EDNRA: variants seen among roughly 807,000 people sequenced by gnomAD.
EDNRA encodes the protein endothelin receptor type A, also known as endothelin-1 receptor.
In EDNRA, 11 loss-of-function variants were observed where a neutral mutation model predicts 41.4. The observed-to-expected ratio is 0.27, with a 90% confidence interval of 0.17 to 0.44. EDNRA has a LOEUF of 0.44. Among genes scored for constraint, EDNRA ranks in the 20% least tolerant of loss-of-function variants. The probability of loss-of-function intolerance (pLI) is 1.00; values close to 1 mark genes in which losing one functional copy is unlikely to be tolerated. For missense variants in EDNRA, 294 were observed against 531.0 expected (o/e 0.55, Z 4.39); for synonymous variants, 172 against 183.0 (o/e 0.94, Z 0.49).
intron 2 of EDNRA, among the ~76,000 whole-genome samples, chr4:147,512,189 G>A (rs1729953484): frequency 6.6e-6 from 1 of 152,106 alleles, no homozygotes; most frequent in Admixed American, 6.5e-5. Context: ...CTTTTGGATT[G>A]GTACTCTTAC....
At chr4:147,484,735 G>A (rs10305860) in intron 1 of EDNRA, among the ~76,000 whole-genome samples, 57,538 of 152,040 alleles carry the variant, frequency 0.38, 12,149 homozygotes, top group African/African-American at 0.58. Context: ...TTCATTCATC[G>A]GCAAATACCG....
At chr4:147,515,595 G>A (rs865854514) in intron 2 of EDNRA, among the ~76,000 whole-genome samples, 1 of 152,108 alleles carries the variant, frequency 6.6e-6, no homozygotes, top group Non-Finnish European at 1.5e-5. Context: ...GTGAGAATCA[G>A]TCCCCCTGTG....
At chr4:147,532,445 T>C in intron 3 of EDNRA, 61 bp from the exon 4 acceptor site, 2 of 1,483,252 alleles carry the variant, frequency 1.3e-6, no homozygotes, top group Non-Finnish European at 1.9e-6. Context: ...TTACAATTTT[T>C]GTTTAATTGA....
chr4:147,539,717 A>G, intron 5 of EDNRA, 100 bp from the exon 6 acceptor site: 1 of 1,357,338 alleles, frequency 7.4e-7, no homozygotes, highest in Non-Finnish European at 1.0e-6. Context: ...TCTTTGAATT[A>G]TTCTTTCTCT....
At chr4:147,542,142 C>A (rs1731124687) in intron 7 of EDNRA, among the ~76,000 whole-genome samples, 2 of 152,182 alleles carry the variant, frequency 1.3e-5, no homozygotes, top group Non-Finnish European at 2.9e-5. Context: ...GTGGTGCACA[C>A]TGAAGAAACG....
At chr4:147,537,668 T>G (rs1356685120) in intron 5 of EDNRA, among the ~76,000 whole-genome samples, 1 of 152,192 alleles carries the variant, frequency 6.6e-6, no homozygotes, top group Non-Finnish European at 1.5e-5. Context: ...GTTTTTAAAG[T>G]GCATTTCCAT....
rs80127554 is a variant in EDNRA at position 147,509,030 on chromosome 4, T to C, written c.421-10821T>C. Among the ~76,000 whole-genome samples the C allele has an allele frequency of 8.7e-3, 1,329 of 152,334 alleles. 11 individuals carry two copies. Among genetic ancestry groups the C allele is most frequent in the Non-Finnish European group, 0.015 (1,054 of 68,042 alleles). On this transcript the variant is annotated intron_variant, in intron 2 of 7. Coordinates refer to ENST00000651419, the MANE Select transcript of EDNRA (RefSeq NM_001957.4). ...ACCCTTTAGGTGAATTTGGGGAGAA[T>C]TGCCATCTTAATAATATCAATTCTT...
chr4:147,544,550 G>T lies in EDNRA; in HGVS notation c.*1932G>T, dbSNP rs1426630146. On this transcript the variant is annotated 3_prime_UTR_variant, in exon 8 of 8. Coordinates refer to ENST00000651419, the MANE Select transcript of EDNRA (RefSeq NM_001957.4). ...TTTAGGACAGGTAAAATAACATCAGGTTCCAGTTGCTTGAATTGCAAGGCT... is the reference window on the plus strand; with the variant it reads ...TTTAGGACAGGTAAAATAACATCAGTTTCCAGTTGCTTGAATTGCAAGGCT... 41 of 152,560 alleles carry T rather than the reference G, an allele frequency of 2.7e-4. No homozygotes were observed. The allele number at this position is 152,560 out of a possible 1,614,324, so 9.5% of individuals were successfully genotyped here. A position where few individuals can be genotyped will look rare whatever the true frequency, so the allele number is the denominator to read the frequency against.
At position 147,496,901 on chromosome 4, in the gene EDNRA, A is replaced by G. The variant is rs558979172; in HGVS notation, c.420+10800A>G. On this transcript the variant is annotated intron_variant, in intron 2 of 7. Transcript: ENST00000651419. ...ATAGTGCAGCTGTGGACATTCTCCTATGCATCTTTTTGGTGCATATATATG... is the reference window on the plus strand; with the variant it reads ...ATAGTGCAGCTGTGGACATTCTCCTGTGCATCTTTTTGGTGCATATATATG... 7.9e-5 allele frequency among the ~76,000 whole-genome samples: 12 copies of G among 152,294 alleles called. No individual in the cohort carries two copies. In the South Asian group the frequency reaches 2.3e-3, roughly 29 times the overall value.
intron 5 of EDNRA, 97 bp from the exon 6 acceptor site, chr4:147,539,720 C>T: frequency 7.3e-7 from 1 of 1,372,676 alleles, no homozygotes; most frequent in Non-Finnish European, 9.9e-7. Context: ...TTGAATTATT[C>T]TTTCTCTGGT....
In EDNRA at chr4:147,530,309, A is replaced by G. The variant is rs59981942; in HGVS notation, c.549-2197A>G. Among the ~76,000 whole-genome samples, 1,005 of 152,348 alleles carry G rather than the reference A, an allele frequency of 6.6e-3. 14 individuals carry two copies. The highest frequency in any genetic ancestry group is 0.023 in the African/African-American group (958 of 41,580). ...GTAACTCCGTTGACAGCCTTGGGATATAGACATCCTGTCTCCATTCCTCTT... is the reference window on the plus strand; with the variant it reads ...GTAACTCCGTTGACAGCCTTGGGATGTAGACATCCTGTCTCCATTCCTCTT... On this transcript the variant is annotated intron_variant, in intron 3 of 7. Coordinates refer to ENST00000651419, the MANE Select transcript of EDNRA (RefSeq NM_001957.4).
At chr4:147,522,941 G>T (rs1423243470) in intron 3 of EDNRA, among the ~76,000 whole-genome samples, 1 of 152,204 alleles carries the variant, frequency 6.6e-6, no homozygotes, top group African/African-American at 2.4e-5. Flanking sequence ...ACAGTGGTTT[G>T]GCCTGGAAAC....
rs1731057862 is a variant in EDNRA at position 147,540,390 on chromosome 4, A to G, written c.1048A>G (p.Met350Val). 1 of 1,612,194 alleles carries G rather than the reference A, an allele frequency of 6.2e-7. No homozygotes were observed. Among genetic ancestry groups the G allele is most frequent in the Admixed American group, 1.7e-5 (1 of 59,842 alleles). Reference protein sequence around the residue: ...RCELLSFLLLMDYIGINLATM... With the variant: ...RCELLSFLLLVDYIGINLATM... ...CTTTTGCTCTAGTTTCTTACTGCTC[A>G]TGGATTACATCGGTATTAACTTGGC... The change falls in exon 7 of 8, where the codon ATG becomes GTG. Residue 350 changes from methionine to valine, a missense_variant. Coordinates refer to ENST00000651419, the MANE Select transcript of EDNRA (RefSeq NM_001957.4).
rs753259559 is a variant in EDNRA, at chr4:147,544,927, T to C, written c.*2309T>C. The C allele has an allele frequency of 6.6e-6, 1 of 152,648 alleles. No individual in the cohort carries two copies. The highest frequency in any genetic ancestry group is 6.5e-5 in the Admixed American group (1 of 15,280). 9.5% of individuals were successfully genotyped at this position (152,648 alleles called of 1,614,324 possible). ...CCCTGAGTTGGCAGTGGCCCATAAG[T>C]GTAAAATAAAAGTTTACAGAAACCT... On this transcript the variant is annotated 3_prime_UTR_variant, in exon 8 of 8. Transcript: ENST00000651419.
chr4:147,524,207 G>T (rs1191925953), intron 3 of EDNRA, among the ~76,000 whole-genome samples: 3 of 151,058 alleles, frequency 2.0e-5, no homozygotes, highest in Non-Finnish European at 4.4e-5. Flanking sequence ...TCCTCCCACA[G>T]GCCCAGGGTG....
At chr4:147,524,357 T>A (rs889367031) in intron 3 of EDNRA, among the ~76,000 whole-genome samples, 1 of 152,002 alleles carries the variant, frequency 6.6e-6, no homozygotes, top group Non-Finnish European at 1.5e-5. Context: ...GATTCCTATA[T>A]CTAGTGTCGG....
chr4:147,495,100 A>G (rs1223469358), intron 2 of EDNRA: 1 of 152,210 alleles, frequency 6.6e-6, no homozygotes, highest in African/African-American at 2.4e-5. Context: ...GACCCTCCCA[A>G]CAAATCTATG....
chr4:147,515,368 T>G (rs1730080155), intron 2 of EDNRA, among the ~76,000 whole-genome samples: 1 of 151,610 alleles, frequency 6.6e-6, no homozygotes, highest in African/African-American at 2.4e-5. Flanking sequence ...CCTGTGGTGG[T>G]GGGGGGAAGG....
intron 3 of EDNRA, among the ~76,000 whole-genome samples, chr4:147,531,167 CA>C (rs1263492553): frequency 6.6e-6 from 1 of 152,180 alleles, no homozygotes; most frequent in Non-Finnish European, 1.5e-5. Flanking sequence ...TTCTTATTAT[CA>C]GACAGTTTTT....
Sources: gnomAD v4.1 joint callset for allele counts (sites outside exome capture counted in the v4.1 genomes callset) on GRCh38, gnomAD v4.1.1 for gene constraint, MANE v1.5 for transcripts, NCBI Gene and HGNC (gene_info 2026-07-23, HGNC 2026-07-21) for gene names.